Variants in JAK1 observed in about 807,000 individuals in gnomAD.
JAK1 encodes the protein Janus kinase 1.
A neutral mutation model predicts 136.6 loss-of-function variants in JAK1; 16 were observed. The ratio of observed to expected loss-of-function variants is 0.12; its 90% CI spans 0.08 to 0.18. The LOEUF (loss-of-function observed/expected upper bound fraction) is 0.18, where lower values mean the gene tolerates loss of function less well. JAK1 is among the 10% of genes least tolerant of loss of function. JAK1 has a pLI of 1.00. For synonymous variants in JAK1, 492 were observed against 519.5 expected (o/e 0.95, Z 0.72); for missense variants, 859 against 1,450.1 (o/e 0.59, Z 6.62).
At chr1:65,051,647 G>A (rs1371887299) in intron 1 of JAK1, among the ~76,000 whole-genome samples, 1 of 152,074 alleles carries the variant, frequency 6.6e-6, no homozygotes, top group Non-Finnish European at 1.5e-5. Context: ...AAAAACCAAT[G>A]GGAGTCTAAG....
chr1:64,860,406 T>C (rs1656214522), intron 8 of JAK1, 144 bp from the exon 9 acceptor site: 1 of 385,760 alleles, frequency 2.6e-6, no homozygotes, highest in Non-Finnish European at 4.7e-6. Flanking sequence ...ATACTAAATA[T>C]ACCCCTTGCA....
At chr1:65,038,198 CTTTTT>C (rs113538392) in intron 2 of JAK1, among the ~76,000 whole-genome samples, 4 of 133,274 alleles carry the variant, frequency 3.0e-5, no homozygotes, top group East Asian at 2.3e-4. Context: ...TTTTTCTTTT[CTTTTT>C]TTTTTTTTTT....
intron 1 of JAK1, chr1:64,941,859 A>G (rs997926617): frequency 6.6e-6 from 1 of 152,200 alleles, no homozygotes; most frequent in African/African-American, 2.4e-5. Context: ...GTTCTCTAGG[A>G]GAAGCAGGGA....
At chr1:64,929,812 T>C (rs182298520) in intron 1 of JAK1, among the ~76,000 whole-genome samples, 44 of 152,308 alleles carry the variant, frequency 2.9e-4, no homozygotes, top group Admixed American at 1.8e-3. Flanking sequence ...CAAAACGGCA[T>C]GGTACTATTA....
At chr1:64,935,755 C>T (rs781212406) in intron 1 of JAK1, among the ~76,000 whole-genome samples, 25 of 152,310 alleles carry the variant, frequency 1.6e-4, no homozygotes, top group Admixed American at 7.2e-4. Context: ...CTGCTTGCAA[C>T]GCTGACGGGT....
chr1:64,834,729 AG>A, intron 24 of JAK1, 72 bp from the exon 25 acceptor site: 1 of 967,198 alleles, frequency 1.0e-6, no homozygotes, highest in Non-Finnish European at 1.6e-6. Flanking sequence ...AGAAATATCA[AG>A]AGTAAGAAAA....
rs1014790414 is a variant in JAK1, at chr1:64,847,777, G to A, written c.1756-102C>T. The A allele has an allele frequency of 4.5e-6, 6 of 1,345,516 alleles. No individual in the cohort carries two copies. The Admixed American group carries it at 1.3e-4, about 29-fold the overall frequency. 83.3% of individuals were successfully genotyped at this position (1,345,516 alleles called of 1,614,324 possible). On this transcript the variant is annotated intron_variant, in intron 12 of 24. Transcript: ENST00000342505. Reference sequence around the variant, plus strand: ...GGGAACATGGACTATCAATGGGATGGGGCAAAGGCAAGAGGGCTCCCTGCC... The same window carrying A: ...GGGAACATGGACTATCAATGGGATGAGGCAAAGGCAAGAGGGCTCCCTGCC...
chr1:65,047,687 C>G (rs1335200005), intron 1 of JAK1, among the ~76,000 whole-genome samples: 2 of 151,858 alleles, frequency 1.3e-5, no homozygotes, highest in African/African-American at 4.8e-5. Context: ...CCACTGCACT[C>G]CAGCCCGGGC....
intron 2 of JAK1, among the ~76,000 whole-genome samples, chr1:65,002,017 C>G (rs1409596583): frequency 6.6e-6 from 1 of 152,020 alleles, no homozygotes; most frequent in East Asian, 1.9e-4. Flanking sequence ...ATGCTGGCAT[C>G]TATGTTAAAA....
chr1:64,928,789 A>AAC (rs1645632630), intron 1 of JAK1, among the ~76,000 whole-genome samples: 3 of 123,144 alleles, frequency 2.4e-5, no homozygotes, highest in African/African-American at 1.2e-4. Context: ...AAAAAAAAAA[A>AAC]AAAAAAACAA....
chr1:64,944,775 G>A (rs919975672), intron 1 of JAK1, among the ~76,000 whole-genome samples: 8 of 152,088 alleles, frequency 5.3e-5, no homozygotes, highest in African/African-American at 1.2e-4. Context: ...GAGGATATTC[G>A]TGAAAATATT....
At chr1:64,924,101 G>A (rs1010129485) in intron 1 of JAK1, among the ~76,000 whole-genome samples, 7 of 152,098 alleles carry the variant, frequency 4.6e-5, no homozygotes, top group African/African-American at 1.7e-4. Flanking sequence ...TCAGATACTT[G>A]CATATTATTC....
intron 1 of JAK1, among the ~76,000 whole-genome samples, chr1:64,922,442 A>T (rs1376258106): frequency 6.6e-6 from 1 of 152,160 alleles, no homozygotes; most frequent in Non-Finnish European, 1.5e-5. Flanking sequence ...CCAGTCAAAC[A>T]TCAGGAGTAT....
At position 64,858,293 on chromosome 1, in the gene JAK1, G is replaced by A. The variant is rs570060892; in HGVS notation, c.1335-514C>T. ...ACATTTCTTTGTATCCCCAGGACCA[G>A]TGAGTCCTGGCATGTAGAGAGCAGT... is the stretch of plus-strand genomic sequence containing the variant. On this transcript the variant is annotated intron_variant, in intron 9 of 24. Coordinates refer to ENST00000342505, the MANE Select transcript of JAK1 (RefSeq NM_002227.4). 1.3e-3 allele frequency among the ~76,000 whole-genome samples: 203 copies of A among 152,344 alleles called. 1 individual carries two copies. The highest frequency in any genetic ancestry group is 3.7e-3 in the Admixed American group (57 of 15,304).
chr1:64,913,949 T>C (rs1264418775), intron 1 of JAK1, among the ~76,000 whole-genome samples: 3 of 152,084 alleles, frequency 2.0e-5, no homozygotes, highest in East Asian at 1.9e-4. Flanking sequence ...AAAGTGCACA[T>C]TGGTGCACTG....
chr1:64,983,136 T>C (rs1041753393), intron 2 of JAK1, among the ~76,000 whole-genome samples: 9 of 151,856 alleles, frequency 5.9e-5, no homozygotes, highest in African/African-American at 2.2e-4. Context: ...TCCAGCAACA[T>C]AGGAAAAAGG....
At chr1:65,012,717 A>C (rs1646859180) in intron 2 of JAK1, among the ~76,000 whole-genome samples, 1 of 150,390 alleles carries the variant, frequency 6.6e-6, no homozygotes, top group Admixed American at 6.6e-5. Flanking sequence ...ACTTGAACCC[A>C]GGGGTTCAAG....
At chr1:64,968,148 A>C (rs1191971133), upstream of JAK1, among the ~76,000 whole-genome samples, 1 of 152,180 alleles carries the variant, frequency 6.6e-6, no homozygotes, top group Non-Finnish European at 1.5e-5. Context: ...GTAAAGAAAA[A>C]GGAAAGTCAG....
At chr1:64,862,453 C>T (rs310222) in intron 8 of JAK1, among the ~76,000 whole-genome samples, 60,766 of 152,114 alleles carry the variant, frequency 0.4, 13,273 homozygotes, top group African/African-American at 0.59. Context: ...ACCTGACACA[C>T]AGTAAGGGCT....
Sources: allele counts gnomAD v4.1 joint callset (sites outside exome capture counted in the v4.1 genomes callset), GRCh38; gene constraint gnomAD v4.1.1; transcripts MANE v1.5; gene names NCBI Gene and HGNC (gene_info 2026-07-23, HGNC 2026-07-21).